CFAP54: variants seen among roughly 807,000 people sequenced by gnomAD.
CFAP54 encodes cilia- and flagella-associated protein 54.
CFAP54 carries 290 observed loss-of-function variants against 370.4 expected under a neutral mutation model. The observed-to-expected ratio is 0.78, with a 90% CI of 0.71 to 0.86. The LOEUF (loss-of-function observed/expected upper bound fraction) is 0.86, where lower values mean the gene tolerates loss of function less well. Ranked by LOEUF, CFAP54 falls within the 40% of genes least tolerant of loss-of-function variation. The probability of loss-of-function intolerance (pLI) is 0.00; values close to 1 mark genes in which losing one functional copy is unlikely to be tolerated. For missense variants in CFAP54, 3,399 were observed against 3,528.7 expected (o/e 0.96, Z 0.93); for synonymous variants, 1,206 against 1,236.5 (o/e 0.98, Z 0.52).
intron 22 of CFAP54, among the ~76,000 whole-genome samples, chr12:96,588,664 A>G (rs1328824447): frequency 7.1e-6 from 1 of 140,402 alleles, no homozygotes; most frequent in East Asian, 2.1e-4. Flanking sequence ...GAATGCATTT[A>G]TACTTCATAC....
intron 49 of CFAP54, 91 bp downstream of exon 49, chr12:96,718,613 C>T (rs771610793): frequency 1.4e-6 from 1 of 730,036 alleles, no homozygotes; most frequent in Non-Finnish European, 2.3e-6. Flanking sequence ...GTTATGCTTG[C>T]TCTTGTGAGA....
chr12:96,707,825 A>C (rs1369481943), intron 47 of CFAP54, among the ~76,000 whole-genome samples: 1 of 152,044 alleles, frequency 6.6e-6, no homozygotes, highest in African/African-American at 2.4e-5. Flanking sequence ...TTCCTAGTGA[A>C]GTGGAGGAAG....
chr12:96,493,824 A>G (rs1819918095), intron 1 of CFAP54, among the ~76,000 whole-genome samples: 1 of 152,172 alleles, frequency 6.6e-6, no homozygotes, highest in African/African-American at 2.4e-5. Flanking sequence ...AAACAAAACA[A>G]AGAAATGATA....
intron 8 of CFAP54, among the ~76,000 whole-genome samples, chr12:96,524,273 T>C (rs1234675228): frequency 6.6e-6 from 1 of 152,098 alleles, no homozygotes; most frequent in Non-Finnish European, 1.5e-5. Flanking sequence ...ACAAAATAGA[T>C]GAGGATTACA....
At chr12:96,528,349 G>T (rs1056272483) in intron 9 of CFAP54, among the ~76,000 whole-genome samples, 46 of 152,056 alleles carry the variant, frequency 3.0e-4, no homozygotes, top group Non-Finnish European at 2.4e-4. Flanking sequence ...TATTAATGTG[G>T]TTGATTTTAT....
chr12:96,754,684 A>G (rs540799368), intron 56 of CFAP54, among the ~76,000 whole-genome samples: 1 of 152,162 alleles, frequency 6.6e-6, no homozygotes, highest in South Asian at 2.1e-4. Context: ...AATCCTTTCT[A>G]TAGTGATTAT....
At chr12:96,592,708 T>C (rs1390210447) in intron 24 of CFAP54, 71 bp downstream of exon 24, 1 of 498,144 alleles carries the variant, frequency 2.0e-6, no homozygotes. Flanking sequence ...TAAGATCATG[T>C]TTTTTGAGTG....
chr12:96,771,143 A>G (rs1292071110), intron 60 of CFAP54, among the ~76,000 whole-genome samples: 1 of 152,192 alleles, frequency 6.6e-6, no homozygotes, highest in Non-Finnish European at 1.5e-5. Context: ...TTCACTGGAG[A>G]GGAATTCAAA....
At chr12:96,541,817 A>C (rs945411387) in intron 14 of CFAP54, among the ~76,000 whole-genome samples, 16 of 151,420 alleles carry the variant, frequency 1.1e-4, no homozygotes, top group African/African-American at 3.9e-4. Flanking sequence ...TTCTTTCTTC[A>C]TTTATTGTTT....
At chr12:96,552,459 T>C (rs1049929764) in intron 15 of CFAP54, among the ~76,000 whole-genome samples, 1 of 151,938 alleles carries the variant, frequency 6.6e-6, no homozygotes, top group Non-Finnish European at 1.5e-5. Flanking sequence ...TTCTCATGCC[T>C]CAGTCTCCCA....
chr12:96,839,888 T>C (rs1013610939), intron 66 of CFAP54, among the ~76,000 whole-genome samples: 3 of 152,182 alleles, frequency 2.0e-5, no homozygotes, highest in Non-Finnish European at 4.4e-5. Flanking sequence ...CTGTGGCTGG[T>C]TGGGCCTCCT....
chr12:96,652,237 T>C lies in CFAP54; in HGVS notation c.5100+422T>C, dbSNP rs149325686. ...CTAGAATTTACAGCCATTTAAAATT[T>C]ATCACACTGTGGTTTAAAGCATGGA... On this transcript the variant is annotated intron_variant, in intron 36 of 67. Transcript: ENST00000524981. 2.0e-4 allele frequency among the ~76,000 whole-genome samples: 30 copies of C among 152,322 alleles called. No homozygotes were observed. The East Asian group carries it at 5.8e-3, about 29-fold the overall frequency.
chr12:96,753,789 C>A lies in CFAP54; in HGVS notation c.7731C>A (p.Asp2577Glu), dbSNP rs1394273063. ...KQVYYKNKRK[D>E]PSKWLPALHL... Reference sequence around the variant, plus strand: ...TATATTACAAGAATAAAAGGAAGGACCCCTCGAAGTGGTTACCTGCTCTTC... The same window carrying A: ...TATATTACAAGAATAAAAGGAAGGAACCCTCGAAGTGGTTACCTGCTCTTC... Residue 2577 changes from aspartate (D) to glutamate (E), a missense_variant, in exon 56 of 68, where the codon GAC becomes GAA. By Grantham distance (45) the Asp-to-Glu change is conservative. Transcript: ENST00000524981. 2 of 1,613,908 alleles carry A rather than the reference C, an allele frequency of 1.2e-6. No individual in the cohort carries two copies. The highest frequency in any genetic ancestry group is 1.1e-5 in the South Asian group (1 of 91,072).
At chr12:96,586,597 A>G (rs1485995589) in intron 22 of CFAP54, among the ~76,000 whole-genome samples, 1 of 152,124 alleles carries the variant, frequency 6.6e-6, no homozygotes, top group Non-Finnish European at 1.5e-5. Flanking sequence ...GGTTTTCAGA[A>G]GTGTACCTGG....
intron 58 of CFAP54, among the ~76,000 whole-genome samples, chr12:96,759,989 T>A (rs1958316928): frequency 1.3e-5 from 2 of 152,230 alleles, no homozygotes; most frequent in Admixed American, 6.5e-5. Flanking sequence ...TATTTACTCA[T>A]GAACTGAACA....
chr12:96,545,242 A>C (rs1318734003), intron 14 of CFAP54, among the ~76,000 whole-genome samples: 1 of 151,960 alleles, frequency 6.6e-6, no homozygotes, highest in Non-Finnish European at 1.5e-5. Context: ...TCACCAGTCC[A>C]GTCAGGGGGT....
chr12:96,767,349 TC>T (rs1284688459), intron 60 of CFAP54, among the ~76,000 whole-genome samples: 4 of 152,226 alleles, frequency 2.6e-5, no homozygotes, highest in African/African-American at 9.6e-5. Context: ...GAAAATGGCA[TC>T]CTCTAAACAA....
At chr12:96,762,837 T>G (rs1372714800) in intron 58 of CFAP54, among the ~76,000 whole-genome samples, 1 of 152,132 alleles carries the variant, frequency 6.6e-6, no homozygotes, top group Non-Finnish European at 1.5e-5. Flanking sequence ...TAGGTAGATC[T>G]TTCCAGGTGT....
At chr12:96,664,773 A>ATATCTATATCTATATC (rs1565934470) in intron 39 of CFAP54, among the ~76,000 whole-genome samples, 48 of 20,278 alleles carry the variant, frequency 2.4e-3, no homozygotes, top group South Asian at 7.7e-3. Flanking sequence ...ATCTATATCT[A>ATATCTATATCTATATC]TATCTATATA....
Sources: allele counts gnomAD v4.1 joint callset (sites outside exome capture counted in the v4.1 genomes callset), GRCh38; gene constraint gnomAD v4.1.1; transcripts MANE v1.5; gene names NCBI Gene and HGNC (gene_info 2026-07-23, HGNC 2026-07-21).